Variants in CNTNAP2 observed in about 807,000 individuals in gnomAD.
CNTNAP2 encodes the protein contactin-associated protein-like 2.
CNTNAP2 carries 98 observed loss-of-function variants against 155.2 expected under a neutral mutation model. The ratio of observed to expected loss-of-function variants is 0.63; its 90% CI spans 0.54 to 0.75. The LOEUF (loss-of-function observed/expected upper bound fraction) is 0.75, where lower values mean the gene tolerates loss of function less well. Among genes scored for constraint, CNTNAP2 ranks in the 30% least tolerant of loss-of-function variants. The probability of loss-of-function intolerance (pLI) is 0.00; values close to 1 mark genes in which losing one functional copy is unlikely to be tolerated. For synonymous variants in CNTNAP2, 651 were observed against 631.2 expected, an observed-to-expected ratio of 1.03 and a Z score of -0.47; for missense variants, 1,727 against 1,688.1, an observed-to-expected ratio of 1.02 and a Z score of -0.40.
chr7:148,211,206 A>G (rs557322531), intron 18 of CNTNAP2, among the ~76,000 whole-genome samples: 2 of 152,222 alleles, frequency 1.3e-5, no homozygotes, highest in Non-Finnish European at 2.9e-5. Context: ...GCTCAGTTCT[A>G]TGCCTCCTCT....
At chr7:146,812,809 A>G (rs1385938725) in intron 2 of CNTNAP2, among the ~76,000 whole-genome samples, 1 of 152,196 alleles carries the variant, frequency 6.6e-6, no homozygotes, top group African/African-American at 2.4e-5. Flanking sequence ...TAGAAGGGAA[A>G]TATTGTTTCC....
At chr7:146,579,477 C>T (rs1277740239) in intron 1 of CNTNAP2, among the ~76,000 whole-genome samples, 2 of 152,132 alleles carry the variant, frequency 1.3e-5, no homozygotes, top group African/African-American at 2.4e-5. Context: ...TGCCAGCCCA[C>T]TGAGAAGTTA....
Position 147,096,698 on chromosome 7 carries a change from G to A in CNTNAP2, c.551-11449G>A, listed in dbSNP as rs151193978. ...TTTATCTCTGTCAGGACTGGTTCTCGCCACAAGTTGTGTAAGTACTGCTCA... is the reference window on the plus strand; with the variant it reads ...TTTATCTCTGTCAGGACTGGTTCTCACCACAAGTTGTGTAAGTACTGCTCA... On this transcript the variant is annotated intron_variant, in intron 4 of 23. Coordinates refer to ENST00000361727, the MANE Select transcript of CNTNAP2 (RefSeq NM_014141.6). Among the ~76,000 whole-genome samples the A allele has an allele frequency of 2.1e-3, 317 of 152,168 alleles. 1 individual carries two copies. Among genetic ancestry groups the A allele is most frequent in the Middle Eastern group, 0.014 (4 of 294 alleles).
chr7:148,189,115 A>T (rs983349341), intron 18 of CNTNAP2, among the ~76,000 whole-genome samples: 3 of 152,208 alleles, frequency 2.0e-5, no homozygotes, highest in Admixed American at 6.5e-5. Context: ...TTTTCTAAAC[A>T]CAGTGCCAAA....
chr7:146,615,513 A>C (rs914617494), intron 1 of CNTNAP2, among the ~76,000 whole-genome samples: 1 of 152,234 alleles, frequency 6.6e-6, no homozygotes, highest in African/African-American at 2.4e-5. Flanking sequence ...AATACATACA[A>C]AAATGTAGCA....
intron 21 of CNTNAP2, among the ~76,000 whole-genome samples, chr7:148,353,757 A>G (rs1798467374): frequency 6.6e-6 from 1 of 152,248 alleles, no homozygotes; most frequent in South Asian, 2.1e-4. Context: ...GCTATGATAC[A>G]GATACATGTA....
At chr7:146,758,733 CACA>C (rs900071543) in intron 1 of CNTNAP2, among the ~76,000 whole-genome samples, 1 of 152,128 alleles carries the variant, frequency 6.6e-6, no homozygotes, top group African/African-American at 2.4e-5. Context: ...GGGTCCCTCC[CACA>C]ACAAGTGGAA....
intron 10 of CNTNAP2, among the ~76,000 whole-genome samples, chr7:147,414,815 C>T (rs1436240681): frequency 2.0e-5 from 3 of 151,182 alleles, no homozygotes; most frequent in Non-Finnish European, 4.4e-5. Context: ...GTGGTGGGCG[C>T]CTGTAGTCCC....
intron 1 of CNTNAP2, among the ~76,000 whole-genome samples, chr7:146,525,564 CT>C (rs1231914094): frequency 6.8e-6 from 1 of 147,158 alleles, no homozygotes; most frequent in South Asian, 2.1e-4. Context: ...ATCTATCTAT[CT>C]ATCTATCTAT....
At chr7:146,936,505 G>T (rs1487714451) in intron 3 of CNTNAP2, among the ~76,000 whole-genome samples, 4 of 152,034 alleles carry the variant, frequency 2.6e-5, no homozygotes, top group Non-Finnish European at 5.9e-5. Context: ...ATAAAGTTTT[G>T]GCCAATCTCT....
At chr7:147,753,106 A>G (rs10952712) in intron 13 of CNTNAP2, among the ~76,000 whole-genome samples, 134,444 of 152,228 alleles carry the variant, frequency 0.88, 61,505 homozygotes, top group Non-Finnish European at 0.99. Context: ...TCCATTATAC[A>G]TAGAGGTTCT....
At chr7:146,364,907 GTGTT>G (rs1048206302) in intron 1 of CNTNAP2, among the ~76,000 whole-genome samples, 17 of 152,114 alleles carry the variant, frequency 1.1e-4, no homozygotes, top group African/African-American at 3.9e-4. Flanking sequence ...TTACATGTGT[GTGTT>G]TGTTAAATAT....
At position 146,429,642 on chromosome 7, in the gene CNTNAP2, T is replaced by C. The variant is rs574557087; in HGVS notation, c.97+312669T>C. On this transcript the variant is annotated intron_variant, in intron 1 of 23. Coordinates refer to ENST00000361727, the MANE Select transcript of CNTNAP2 (RefSeq NM_014141.6). Reference sequence around the variant, plus strand: ...AGCTTTTGGGCTGAGATGATGGGGTTTTCTAGATACAGTGTCATGTCATCT... The same window carrying C: ...AGCTTTTGGGCTGAGATGATGGGGTCTTCTAGATACAGTGTCATGTCATCT... 3.3e-5 allele frequency among the ~76,000 whole-genome samples: 5 copies of C among 152,274 alleles called. No homozygotes were observed. In the South Asian group the frequency reaches 1.0e-3, roughly 32 times the overall value.
intron 13 of CNTNAP2, among the ~76,000 whole-genome samples, chr7:147,858,688 A>G (rs918733485): frequency 5.3e-5 from 8 of 152,164 alleles, no homozygotes; most frequent in African/African-American, 1.9e-4. Context: ...TAAGAAAGAC[A>G]TGTAGACATA....
At chr7:146,730,057 T>A (rs1196655661) in intron 1 of CNTNAP2, among the ~76,000 whole-genome samples, 1 of 152,168 alleles carries the variant, frequency 6.6e-6, no homozygotes, top group Non-Finnish European at 1.5e-5. Context: ...CATTATCTAC[T>A]GTGTCTGAAC....
At chr7:147,273,759 T>G (rs1204747340) in intron 8 of CNTNAP2, among the ~76,000 whole-genome samples, 1 of 145,764 alleles carries the variant, frequency 6.9e-6, no homozygotes, top group Non-Finnish European at 1.5e-5. Context: ...ATGTAATATA[T>G]ATTTTATACA....
chr7:146,137,957 T>A (rs1797821250), intron 1 of CNTNAP2, among the ~76,000 whole-genome samples: 3 of 152,132 alleles, frequency 2.0e-5, no homozygotes, highest in African/African-American at 7.2e-5. Flanking sequence ...TATTTAAATA[T>A]ATTTATAATG....
At chr7:147,796,583 A>T (rs937644440) in intron 13 of CNTNAP2, among the ~76,000 whole-genome samples, 13 of 147,896 alleles carry the variant, frequency 8.8e-5, no homozygotes, top group Non-Finnish European at 1.8e-4. Context: ...AGGATTTATT[A>T]AAAAAAAAAA....
chr7:146,454,615 A>G (rs1279425526), intron 1 of CNTNAP2, among the ~76,000 whole-genome samples: 1 of 151,814 alleles, frequency 6.6e-6, no homozygotes, highest in Non-Finnish European at 1.5e-5. Flanking sequence ...TATATACATA[A>G]TAGTATATAT....
Sources: gnomAD v4.1 joint callset for allele counts (sites outside exome capture counted in the v4.1 genomes callset) on GRCh38, gnomAD v4.1.1 for gene constraint, MANE v1.5 for transcripts, NCBI Gene and HGNC (gene_info 2026-07-23, HGNC 2026-07-21) for gene names.